Variants in KCTD15 observed in about 807,000 individuals in gnomAD.
KCTD15 encodes potassium channel tetramerization domain containing 15.
KCTD15 carries 11 observed loss-of-function variants against 27.2 expected under a neutral mutation model. The ratio of observed to expected loss-of-function variants is 0.41; its 90% confidence interval spans 0.25 to 0.67. The LOEUF (loss-of-function observed/expected upper bound fraction) is 0.67. KCTD15 is among the 30% of genes least tolerant of loss of function. The pLI, the probability that KCTD15 is intolerant of heterozygous loss-of-function variation, is 0.35. For missense variants in KCTD15, 350 were observed against 409.3 expected, an observed-to-expected ratio of 0.86 and a Z score of 1.25; for synonymous variants, 163 against 176.0, an observed-to-expected ratio of 0.93 and a Z score of 0.58.
At chr19:33,795,516 C>G (rs1024027579), upstream of KCTD15, among the ~76,000 whole-genome samples, 20 of 151,616 alleles carry the variant, frequency 1.3e-4, no homozygotes, top group African/African-American at 4.9e-4. Flanking sequence ...AGGCGCCGTT[C>G]CGGCCCGTGC....
At chr19:33,800,601 T>G in intron 3 of KCTD15, 81 bp downstream of exon 3, 1 of 1,292,576 alleles carries the variant, frequency 7.7e-7, no homozygotes, top group Non-Finnish European at 1.1e-6. Flanking sequence ...CTGGCTGTCC[T>G]TCCTTGGGAC....
chr19:33,811,708 T>C, intron 6 of KCTD15, 156 bp downstream of exon 6: 5 of 1,540,486 alleles, frequency 3.2e-6, no homozygotes, highest in Non-Finnish European at 3.5e-6. Flanking sequence ...GCATAATTTA[T>C]GTCCCTCTCA....
At chr19:33,794,454 A>C (rs1411935879), upstream of KCTD15, among the ~76,000 whole-genome samples, 1 of 151,872 alleles carries the variant, frequency 6.6e-6, no homozygotes, top group African/African-American at 2.4e-5. Context: ...ATATGTATAT[A>C]TTCACCCAGA....
rs1388792656 is a variant in KCTD15, at chr19:33,811,512, G to A, written c.653G>A (p.Arg218His). 4 of 1,609,976 alleles carry A rather than the reference G, an allele frequency of 2.5e-6. No individual in the cohort carries two copies. The highest frequency in any genetic ancestry group is 2.2e-5 in the East Asian group (1 of 44,742). ...AACCAGGACCCCACGCACGTCATCC[G>A]CTTCCCGCTCAATGGCTACTGCCGG... ...GWNQDPTHVI[R>H]FPLNGYCRLN... The change falls in exon 6 of 7, where the codon CGC becomes CAC. Residue 218 changes from arginine (R) to histidine (H), a missense_variant. Arg to His is a conservative substitution (Grantham distance 29). Coordinates refer to ENST00000683859, the MANE Select transcript of KCTD15 (RefSeq NM_001129994.2).
upstream of KCTD15, chr19:33,796,578 G>A (rs1400880982): frequency 2.0e-5 from 3 of 151,474 alleles, no homozygotes; most frequent in Non-Finnish European, 4.4e-5. Context: ...CCGCGGCGAG[G>A]CGCTGGCTAG....
At chr19:33,801,528 T>C (rs539128991) in intron 4 of KCTD15, 186 bp downstream of exon 4, 2 of 512,828 alleles carry the variant, frequency 3.9e-6, no homozygotes, top group Non-Finnish European at 6.7e-6. Flanking sequence ...AAAGCTGCTA[T>C]GCACAGAGGC....
chr19:33,811,405 A>G lies in KCTD15; in HGVS notation c.546A>G (p.Ala182=), dbSNP rs777115587. The change falls in exon 6 of 7, where the codon GCA becomes GCG. Residue 182 remains alanine (A), a synonymous_variant. Transcript: ENST00000683859. ...RVTPDLGERI[A]LSGEKALIEE... ...CGCCCGACTTGGGCGAGCGGATCGCACTCAGCGGCGAGAAGGCCCTCATCG... is the reference window on the plus strand; with the variant it reads ...CGCCCGACTTGGGCGAGCGGATCGCGCTCAGCGGCGAGAAGGCCCTCATCG... The G allele has an allele frequency of 6.2e-7, 1 of 1,609,368 alleles. No homozygotes were observed. The highest frequency in any genetic ancestry group is 8.5e-7 in the Non-Finnish European group (1 of 1,178,370).
chr19:33,804,983 C>T (rs995519493), intron 4 of KCTD15, among the ~76,000 whole-genome samples: 3 of 152,172 alleles, frequency 2.0e-5, no homozygotes, highest in Non-Finnish European at 4.4e-5. Flanking sequence ...GGCTGGAGTA[C>T]GTGGTGTGAT....
At chr19:33,806,652 A>G (rs1303758819) in intron 4 of KCTD15, among the ~76,000 whole-genome samples, 5 of 151,962 alleles carry the variant, frequency 3.3e-5, no homozygotes, top group South Asian at 2.1e-4. Context: ...TTGCGGGTGT[A>G]GGCAGGATGT....
intron 4 of KCTD15, among the ~76,000 whole-genome samples, chr19:33,802,163 AG>A (rs1975578345): frequency 6.6e-6 from 1 of 152,216 alleles, no homozygotes; most frequent in African/African-American, 2.4e-5. Flanking sequence ...TGACCCGAGT[AG>A]GGTGGGTCTT....
chr19:33,798,799 G>A (rs567633114), intron 2 of KCTD15, 33 bp downstream of exon 2: 1 of 152,718 alleles, frequency 6.5e-6, no homozygotes, highest in Admixed American at 6.5e-5. Context: ...ACATCAGGTT[G>A]TTCTTGGGAG....
intron 1 of KCTD15, chr19:33,797,447 C>T (rs1281011176): frequency 2.2e-6 from 1 of 453,240 alleles, no homozygotes. Flanking sequence ...CAGAGAAAGT[C>T]TCCAGTGGGA....
In KCTD15 at chr19:33,801,211, G is replaced by A; in HGVS notation, c.111G>A (p.Val37=). ...MSRLSLTRSP[V]SPLAAQGIPL... is the part of the protein sequence containing the mutation. ...GGCTGTCTCTCACCCGGTCGCCTGT[G>A]TCTCCCCTGGCTGCCCAGGGCATCC... Residue 37 remains valine, a synonymous_variant, in exon 4 of 7, where the codon GTG becomes GTA. Transcript: ENST00000683859. The A allele has an allele frequency of 1.2e-6, 2 of 1,612,708 alleles. No homozygotes were observed. Among genetic ancestry groups the A allele is most frequent in the Non-Finnish European group, 1.7e-6 (2 of 1,179,398 alleles).
chr19:33,811,191 T>TACCCCCCCC, intron 5 of KCTD15, 56 bp from the exon 6 acceptor site: 3 of 614,996 alleles, frequency 4.9e-6, no homozygotes, highest in East Asian at 5.6e-5. Context: ...CTCTCCCCCT[T>TACCCCCCCC]CCCCCACCAC....
intron 1 of KCTD15, among the ~76,000 whole-genome samples, chr19:33,797,247 GGT>G (rs751185346): frequency 0.091 from 10,998 of 120,426 alleles, 616 homozygotes; most frequent in East Asian, 0.33. Flanking sequence ...CCTGCCGCGC[GGT>G]GTGTGTGTGT....
chr19:33,799,421 G>A (rs916796525), intron 2 of KCTD15, among the ~76,000 whole-genome samples: 7 of 152,238 alleles, frequency 4.6e-5, no homozygotes, highest in African/African-American at 1.7e-4. Context: ...GGAAGCCAGT[G>A]TCTGTGGATG....
At chr19:33,812,225 C>T in intron 6 of KCTD15, 1 of 1,062,480 alleles carries the variant, frequency 9.4e-7, no homozygotes, top group South Asian at 4.1e-5. Context: ...CTCACAGAGG[C>T]ACAAACCCAC....
At chr19:33,797,241 C>T (rs1004767549) in intron 1 of KCTD15, among the ~76,000 whole-genome samples, 4 of 146,810 alleles carry the variant, frequency 2.7e-5, no homozygotes, top group African/African-American at 1.0e-4. Flanking sequence ...GAGCTTCCTG[C>T]CGCGCGGTGT....
chr19:33,801,105 T>C, intron 3 of KCTD15, 62 bp from the exon 4 acceptor site: 1 of 1,476,174 alleles, frequency 6.8e-7, no homozygotes, highest in Non-Finnish European at 9.2e-7. Context: ...ATGGCTGTGT[T>C]GTGGAGAAAC....
Sources: gnomAD v4.1 joint callset for allele counts (sites outside exome capture counted in the v4.1 genomes callset) on GRCh38, gnomAD v4.1.1 for gene constraint, MANE v1.5 for transcripts, NCBI Gene and HGNC (gene_info 2026-07-23, HGNC 2026-07-21) for gene names.